The following GRK4 variants were observed in gnomAD, a reference collection of about 807,000 sequenced individuals.
The protein encoded by GRK4 is G protein-coupled receptor kinase 2-like.
A neutral mutation model predicts 77.9 loss-of-function variants in GRK4; 73 were observed. The observed-to-expected ratio is 0.94, with a 90% CI of 0.78 to 1.14. The LOEUF (loss-of-function observed/expected upper bound fraction) is 1.14, where lower values mean the gene tolerates loss of function less well. Among genes scored for constraint, GRK4 ranks in the 50% most tolerant of loss-of-function variants. GRK4 has a pLI of 0.00. For synonymous variants in GRK4, 257 were observed against 254.4 expected, an observed-to-expected ratio of 1.01 and a Z score of -0.10; for missense variants, 729 against 700.2, an observed-to-expected ratio of 1.04 and a Z score of -0.46.
chr4:3,002,479 T>C (rs1017478773), intron 4 of GRK4, among the ~76,000 whole-genome samples: 1 of 152,172 alleles, frequency 6.6e-6, no homozygotes, highest in African/African-American at 2.4e-5. Flanking sequence ...CTGGGCACAG[T>C]GGCTAACACC....
intron 15 of GRK4, among the ~76,000 whole-genome samples, chr4:3,039,698 T>TAA (rs10672202): frequency 0.42 from 47,864 of 114,510 alleles, 10,280 homozygotes; most frequent in South Asian, 0.58. Context: ...AACTCTGTCT[T>TAA]AAAAAAAAAA....
chr4:2,977,292 G>T (rs547461113), intron 1 of GRK4, among the ~76,000 whole-genome samples: 2 of 152,146 alleles, frequency 1.3e-5, no homozygotes, highest in African/African-American at 2.4e-5. Context: ...TTGCTAGAGC[G>T]TGGGGCTCTC....
chr4:3,022,222 T>C (rs557505941), intron 9 of GRK4, among the ~76,000 whole-genome samples, 192 bp from the exon 10 acceptor site: 69 of 152,360 alleles, frequency 4.5e-4, no homozygotes, highest in African/African-American at 1.6e-3. Context: ...TTTTACACTG[T>C]CGTCACATGT....
chr4:2,994,984 C>G (rs1727354053), intron 4 of GRK4, among the ~76,000 whole-genome samples: 1 of 152,102 alleles, frequency 6.6e-6, no homozygotes, highest in Admixed American at 6.5e-5. Context: ...CTCTGTGTGT[C>G]CATGTGTCCT....
intron 4 of GRK4, 140 bp from the exon 5 acceptor site, chr4:3,004,091 G>A (rs1416879091): frequency 1.6e-5 from 10 of 618,032 alleles, no homozygotes; most frequent in Admixed American, 8.1e-5. Flanking sequence ...AGAGTGGGAC[G>A]GGGTGGAGGG....
chr4:3,012,936 G>A (rs922610014), intron 7 of GRK4, among the ~76,000 whole-genome samples: 17 of 151,956 alleles, frequency 1.1e-4, no homozygotes, highest in Admixed American at 6.6e-4. Context: ...GAGGTCAGGA[G>A]TTCAAGACCA....
chr4:2,967,365 A>T (rs1407784770), intron 1 of GRK4, among the ~76,000 whole-genome samples: 1 of 152,224 alleles, frequency 6.6e-6, no homozygotes, highest in Non-Finnish European at 1.5e-5. Context: ...AGGGACATGA[A>T]GGAAGCGTGA....
At chr4:3,033,500 C>T (rs1383695464) in intron 12 of GRK4, among the ~76,000 whole-genome samples, 1 of 152,216 alleles carries the variant, frequency 6.6e-6, no homozygotes, top group East Asian at 1.9e-4. Context: ...GCAGCAAGCT[C>T]AACCATGGGG....
intron 1 of GRK4, among the ~76,000 whole-genome samples, chr4:2,978,377 AT>A (rs1721821700): frequency 1.3e-5 from 2 of 152,354 alleles, no homozygotes; most frequent in South Asian, 4.1e-4. Context: ...TCAGAGAAAA[AT>A]ATCTCTGAAT....
intron 1 of GRK4, among the ~76,000 whole-genome samples, chr4:2,967,956 A>G (rs1481773699): frequency 6.6e-6 from 1 of 151,322 alleles, no homozygotes; most frequent in African/African-American, 2.4e-5. Flanking sequence ...ATGCCTGGCT[A>G]ATTTTGTATT....
chr4:3,013,564 C>G (rs1483570524), intron 7 of GRK4, 124 bp from the exon 8 acceptor site: 1 of 1,145,506 alleles, frequency 8.7e-7, no homozygotes, highest in Non-Finnish European at 1.2e-6. Flanking sequence ...GAAACGGTCT[C>G]GGCTCCTCAT....
intron 9 of GRK4, among the ~76,000 whole-genome samples, 171 bp from the exon 10 acceptor site, chr4:3,022,243 C>T (rs1736285339): frequency 6.6e-6 from 1 of 152,184 alleles, no homozygotes; most frequent in Non-Finnish European, 1.5e-5. Context: ...GAGTTGTTTG[C>T]TGAGATGAAT....
intron 4 of GRK4, among the ~76,000 whole-genome samples, chr4:2,997,908 CAAA>C (rs34665052): frequency 2.8e-5 from 3 of 108,718 alleles, no homozygotes; most frequent in Admixed American, 1.0e-4. Flanking sequence ...ACTCCATCTC[CAAA>C]AAAAAAAAAA....
Position 3,016,308 on chromosome 4 carries a change from G to A in GRK4, c.741+2480G>A, listed in dbSNP as rs190143178. On this transcript the variant is annotated intron_variant, in intron 8 of 15. Transcript: ENST00000398052. ...AAGGCCTGCAGATCACCTGAGGTCA[G>A]GAGTTCGAGACCAGCCTGGCCAACA... Among the ~76,000 whole-genome samples the A allele has an allele frequency of 8.5e-3, 1,294 of 151,566 alleles. 20 individuals carry two copies. The highest frequency in any genetic ancestry group is 0.03 in the African/African-American group (1,227 of 41,348).
At chr4:2,964,193 T>G in intron 1 of GRK4, 71 bp downstream of exon 1, 1 of 975,324 alleles carries the variant, frequency 1.0e-6, no homozygotes, top group Non-Finnish European at 1.3e-6. Context: ...CTGGCCCCCC[T>G]GAAGGAACCC....
At chr4:3,032,210 G>A (rs1560501066) in intron 12 of GRK4, among the ~76,000 whole-genome samples, 2 of 152,124 alleles carry the variant, frequency 1.3e-5, no homozygotes, top group South Asian at 4.1e-4. Context: ...TGGGCCGGGT[G>A]CGGTGGCTCA....
intron 10 of GRK4, among the ~76,000 whole-genome samples, chr4:3,027,512 G>A (rs958521056): frequency 1.3e-5 from 2 of 152,108 alleles, no homozygotes; most frequent in Non-Finnish European, 2.9e-5. Flanking sequence ...ATGTGTAGCT[G>A]TCCCTGTGTA....
At chr4:2,969,652 C>T (rs961855238) in intron 1 of GRK4, among the ~76,000 whole-genome samples, 1 of 150,904 alleles carries the variant, frequency 6.6e-6, no homozygotes, top group East Asian at 1.9e-4. Flanking sequence ...CTAGGATTTA[C>T]AGGCGTGAGC....
Position 2,987,076 on chromosome 4 carries a change from A to G in GRK4, c.149-1651A>G. 6 of 502,086 alleles carry G rather than the reference A, an allele frequency of 1.2e-5. 1 individual carries two copies. The highest frequency in any genetic ancestry group is 4.4e-5 in the South Asian group (3 of 67,460). The allele number at this position is 502,086 out of a possible 1,614,324, so 31.1% of individuals were successfully genotyped here. The stretch of plus-strand genomic sequence containing the variant: ...ATTTGACAGCATTTTCAGCACCCCA[A>G]AAAGAAACGCCACACCCATTGATAG... On this transcript the variant is annotated intron_variant, in intron 2 of 15. Transcript: ENST00000398052.
Sources: allele counts gnomAD v4.1 joint callset (sites outside exome capture counted in the v4.1 genomes callset), GRCh38; gene constraint gnomAD v4.1.1; transcripts MANE v1.5; gene names NCBI Gene and HGNC (gene_info 2026-07-23, HGNC 2026-07-21).